SCIN: variants seen among roughly 807,000 people sequenced by gnomAD.
The protein encoded by SCIN is scinderin, also known as adseverin.
SCIN carries 91 observed loss-of-function variants against 91.8 expected under a neutral mutation model. The observed-to-expected ratio is 0.99, with a 90% confidence interval of 0.84 to 1.18. The LOEUF is 1.18. Among genes scored for constraint, SCIN ranks in the 50% most tolerant of loss-of-function variants. The pLI, the probability that SCIN is intolerant of heterozygous loss-of-function variation, is 0.00. For synonymous variants in SCIN, 367 were observed against 312.6 expected (o/e 1.17, Z -1.84); for missense variants, 1,087 against 863.9 (o/e 1.26, Z -3.24).
chr7:12,636,606 G>T (rs1783757872), intron 10 of SCIN, among the ~76,000 whole-genome samples: 1 of 152,124 alleles, frequency 6.6e-6, no homozygotes, highest in African/African-American at 2.4e-5. Context: ...TTAAACTAGG[G>T]AGATTATCTG....
intron 2 of SCIN, among the ~76,000 whole-genome samples, chr7:12,578,857 A>T (rs1300715162): frequency 6.7e-6 from 1 of 148,274 alleles, no homozygotes; most frequent in Non-Finnish European, 1.5e-5. Context: ...ATAAACAAGA[A>T]CAAATAGTTA....
intron 4 of SCIN, among the ~76,000 whole-genome samples, chr7:12,610,408 C>G (rs1160878001): frequency 6.6e-6 from 1 of 152,184 alleles, no homozygotes; most frequent in African/African-American, 2.4e-5. Flanking sequence ...CATACTTCTT[C>G]AAAGTACTTT....
At chr7:12,601,044 A>T (rs1462992667) in intron 3 of SCIN, among the ~76,000 whole-genome samples, 1 of 152,234 alleles carries the variant, frequency 6.6e-6, no homozygotes, top group Non-Finnish European at 1.5e-5. Context: ...AGAAATAGGA[A>T]AGAAACACCC....
chr7:12,626,976 G>A (rs1381600562), intron 8 of SCIN, among the ~76,000 whole-genome samples, 177 bp downstream of exon 8: 1 of 152,018 alleles, frequency 6.6e-6, no homozygotes, highest in South Asian at 2.1e-4. Context: ...CATAGTCCTA[G>A]CTACTTGGTA....
intron 9 of SCIN, among the ~76,000 whole-genome samples, chr7:12,635,059 A>C (rs958753097): frequency 2.3e-4 from 35 of 151,880 alleles, no homozygotes; most frequent in African/African-American, 8.2e-4. Context: ...AATCCCAGCT[A>C]CTCAGGAGGC....
At chr7:12,624,798 A>G (rs567138589) in intron 5 of SCIN, among the ~76,000 whole-genome samples, 1 of 152,316 alleles carries the variant, frequency 6.6e-6, no homozygotes, top group South Asian at 2.1e-4. Context: ...AAATTAGAGT[A>G]TAATTAGTCT....
At chr7:12,598,371 A>C (rs1782885014) in intron 3 of SCIN, among the ~76,000 whole-genome samples, 1 of 152,108 alleles carries the variant, frequency 6.6e-6, no homozygotes, top group Non-Finnish European at 1.5e-5. Flanking sequence ...GTCATAACTA[A>C]CTACCTCTGA....
chr7:12,609,957 T>G (rs1371130585), intron 4 of SCIN, among the ~76,000 whole-genome samples: 2 of 152,240 alleles, frequency 1.3e-5, no homozygotes, highest in Admixed American at 1.3e-4. Context: ...CCAATGAAGT[T>G]TGAAGACTCT....
At chr7:12,622,927 C>A in intron 5 of SCIN, 34 bp downstream of exon 5, 2 of 1,507,292 alleles carry the variant, frequency 1.3e-6, no homozygotes, top group East Asian at 2.3e-5. Flanking sequence ...ATTGTTTCAA[C>A]AGTACTGGAT....
Position 12,570,735 on chromosome 7 carries a change from AG to A in SCIN, c.-51del, listed in dbSNP as rs1410094505. 4 of 1,533,376 alleles carry A rather than the reference AG, an allele frequency of 2.6e-6. No homozygotes were observed. In the South Asian group the frequency reaches 4.8e-5, roughly 18 times the overall value. 95.0% of individuals were successfully genotyped at this position (1,533,376 alleles called of 1,614,324 possible). On this transcript the variant is annotated 5_prime_UTR_variant, in exon 1 of 16. Coordinates refer to ENST00000297029, the MANE Select transcript of SCIN (RefSeq NM_001112706.3). ...AGGTTCCTCCTGCTGCTCTCGGTTT[AG>A]TCCAAGATCAGCGATATCACGCGTC...
chr7:12,587,314 G>T (rs998770818), intron 3 of SCIN, among the ~76,000 whole-genome samples: 3 of 152,198 alleles, frequency 2.0e-5, no homozygotes, highest in Non-Finnish European at 4.4e-5. Context: ...TCCCTCAGGA[G>T]TAGGGGACAT....
chr7:12,575,809 C>T (rs1034338497), intron 1 of SCIN, among the ~76,000 whole-genome samples: 1 of 152,100 alleles, frequency 6.6e-6, no homozygotes, highest in Non-Finnish European at 1.5e-5. Flanking sequence ...ACACAAAGTT[C>T]ATAAGTTTCT....
chr7:12,626,377 A>T (rs1221210026), intron 7 of SCIN: 2 of 547,706 alleles, frequency 3.7e-6, no homozygotes, highest in South Asian at 4.9e-5. Flanking sequence ...CAGGGGTAAC[A>T]TATTAAAGAA....
rs1784116786 is a variant in SCIN at position 12,653,141 on chromosome 7, AT to A, written c.*432del. On this transcript the variant is annotated 3_prime_UTR_variant, in exon 16 of 16. Transcript: ENST00000297029. This position sits in a 1 kb window ranked among gnomAD's most constrained non-coding sequence, Gnocchi z 4.1. The stretch of plus-strand genomic sequence containing the variant: ...AAAAATTAACCTCAACCAAACGCCT[AT>A]TTTTTAATGCTTAGTTTTGGCTTGA... 1 of 151,624 alleles carries A rather than the reference AT, an allele frequency of 6.6e-6. No homozygotes were observed. The highest frequency in any genetic ancestry group is 1.5e-5 in the Non-Finnish European group (1 of 68,226). 9.4% of individuals were successfully genotyped at this position (151,624 alleles called of 1,614,324 possible).
chr7:12,576,517 G>A (rs1782375892), intron 1 of SCIN, among the ~76,000 whole-genome samples: 1 of 152,152 alleles, frequency 6.6e-6, no homozygotes, highest in Non-Finnish European at 1.5e-5. Flanking sequence ...AGTTAGGGTT[G>A]TTCATGTGAA....
intron 3 of SCIN, among the ~76,000 whole-genome samples, chr7:12,585,492 C>G (rs1163342382): frequency 6.6e-6 from 1 of 152,210 alleles, no homozygotes; most frequent in African/African-American, 2.4e-5. Flanking sequence ...AACTTTAAAT[C>G]TAACTCAGAC....
intron 3 of SCIN, among the ~76,000 whole-genome samples, chr7:12,593,505 A>G (rs545718553): frequency 4.3e-4 from 65 of 152,300 alleles, no homozygotes; most frequent in African/African-American, 1.5e-3. Context: ...TAAAACTTAA[A>G]GTATAATAAT....
rs183912610 is a variant in SCIN at position 12,601,177 on chromosome 7, G to A, written c.517-3337G>A. On this transcript the variant is annotated intron_variant, in intron 3 of 15. Transcript: ENST00000297029. ...AAATGTGTATTTTATTCTTAAAGAGGACCGTGGATTAGGTCATCAGGAATG... is the reference window on the plus strand; with the variant it reads ...AAATGTGTATTTTATTCTTAAAGAGAACCGTGGATTAGGTCATCAGGAATG... 1.2e-3 allele frequency among the ~76,000 whole-genome samples: 186 copies of A among 152,228 alleles called. 1 individual carries two copies. Among genetic ancestry groups the A allele is most frequent in the African/African-American group, 4.2e-3 (173 of 41,528 alleles).
At chr7:12,628,628 T>C (rs1783578720) in intron 8 of SCIN, among the ~76,000 whole-genome samples, 1 of 152,184 alleles carries the variant, frequency 6.6e-6, no homozygotes, top group African/African-American at 2.4e-5. Context: ...AAACATTCAG[T>C]GTGTTGTAGC....
Sources: gnomAD v4.1 joint callset for allele counts (sites outside exome capture counted in the v4.1 genomes callset) on GRCh38, gnomAD v4.1.1 for gene constraint, Gnocchi (gnomAD v3.1) non-coding constraint, MANE v1.5 for transcripts, NCBI Gene and HGNC (gene_info 2026-07-23, HGNC 2026-07-21) for gene names.